Variants in EFCAB8 observed in about 807,000 individuals in gnomAD.
EFCAB8 encodes the protein EF-hand calcium-binding domain-containing protein 8.
In EFCAB8, 100 loss-of-function variants were observed where a neutral mutation model predicts 116.3. The ratio of observed to expected loss-of-function variants is 0.86; its 90% CI spans 0.73 to 1.02. The LOEUF is 1.02. Among genes scored for constraint, EFCAB8 ranks in the 50% least tolerant of loss-of-function variants. EFCAB8 has a pLI of 0.00. For synonymous variants in EFCAB8, 558 were observed against 567.9 expected, an observed-to-expected ratio of 0.98 and a Z score of 0.25; for missense variants, 1,320 against 1,416.9, an observed-to-expected ratio of 0.93 and a Z score of 1.10.
chr20:32,915,570 C>T (rs368695192), intron 17 of EFCAB8, among the ~76,000 whole-genome samples: 1 of 152,104 alleles, frequency 6.6e-6, no homozygotes, highest in East Asian at 1.9e-4. Flanking sequence ...TGCATCTGTC[C>T]TCTTTTCTTT....
At chr20:32,912,658 T>TG in intron 16 of EFCAB8, 136 bp from the exon 17 acceptor site, 1 of 681,016 alleles carries the variant, frequency 1.5e-6, no homozygotes, top group Non-Finnish European at 2.7e-6. Flanking sequence ...GACAAATACA[T>TG]GGTGGTATCA....
chr20:32,943,792 G>A lies in EFCAB8; in HGVS notation c.2947G>A (p.Gly983Ser), dbSNP rs377509267. ...GGACGTCAAGGCTTGGAAACTCTCC[G>A]GTGATGCCATTGGTATGGGTCCTGC... is the stretch of plus-strand genomic sequence containing the variant. ...DRDVKAWKLS[G>S]DAIGTFGLSV... The change falls in exon 23 of 27, where the codon GGT becomes AGT. Residue 983 changes from glycine to serine, a missense_variant. Transcript: ENST00000400522. 8 of 416,728 alleles carry A rather than the reference G, an allele frequency of 1.9e-5. No individual in the cohort carries two copies. The highest frequency in any genetic ancestry group is 8.8e-5 in the Admixed American group (2 of 22,710). The allele number at this position is 416,728 out of a possible 1,614,324, so 25.8% of individuals were successfully genotyped here.
At chr20:32,915,076 A>T (rs6058956) in intron 17 of EFCAB8, among the ~76,000 whole-genome samples, 93,046 of 151,790 alleles carry the variant, frequency 0.61, 29,013 homozygotes, top group Middle Eastern at 0.72. Context: ...TAAAAAAAAA[A>T]TTTTTTTATA....
intron 11 of EFCAB8, chr20:32,903,614 A>G (rs570628009): frequency 2.6e-5 from 4 of 152,368 alleles, no homozygotes; most frequent in South Asian, 4.1e-4. Flanking sequence ...TCGGCAGCAC[A>G]TATACGTGTG....
intron 8 of EFCAB8, 60 bp from the exon 9 acceptor site, chr20:32,893,114 T>C (rs904325487): frequency 1.3e-6 from 2 of 1,545,892 alleles, no homozygotes; most frequent in African/African-American, 2.7e-5. Flanking sequence ...GTGCTGGTCT[T>C]ACAGGTGTGA....
At chr20:32,960,849 A>T (rs538858480) in intron 26 of EFCAB8, among the ~76,000 whole-genome samples, 1 of 152,336 alleles carries the variant, frequency 6.6e-6, no homozygotes, top group South Asian at 2.1e-4. Flanking sequence ...CCCAGGGTCC[A>T]GCTCGAGGCC....
chr20:32,931,265 A>G lies in EFCAB8; in HGVS notation c.2719A>G (p.Lys907Glu), dbSNP rs1218426169. Reference protein sequence around the residue: ...GAKVVSEAHNKFRLLIPQQLG... With the variant: ...GAKVVSEAHNEFRLLIPQQLG... Reference sequence around the variant, plus strand: ...CAAGGTTGTCTCTGAAGCACACAACAAGTTCCGGTTGTTAATTCCTCAGCA... The same window carrying G: ...CAAGGTTGTCTCTGAAGCACACAACGAGTTCCGGTTGTTAATTCCTCAGCA... Residue 907 changes from lysine to glutamate, a missense_variant, in exon 22 of 27, where the codon AAG becomes GAG. Physicochemically the swap from Lys to Glu is moderately conservative, Grantham distance 56. Coordinates refer to ENST00000400522, the MANE Select transcript of EFCAB8 (RefSeq NM_001143967.2). The G allele has an allele frequency of 6.4e-7, 1 of 1,551,612 alleles. No homozygotes were observed. Among genetic ancestry groups the G allele is most frequent in the East Asian group, 2.4e-5 (1 of 40,916 alleles).
rs186290909 is a variant in EFCAB8, at chr20:32,940,007, C to G, written c.2791-3629C>G. On this transcript the variant is annotated intron_variant, in intron 22 of 26. Coordinates refer to ENST00000400522, the MANE Select transcript of EFCAB8 (RefSeq NM_001143967.2). ...ACTGTGCCTGCCTGCCTGCCTGCCT[C>G]CCTCCCTCCCTCCCTCCCTTCCTTC... Among the ~76,000 whole-genome samples, 342 of 58,270 alleles carry G rather than the reference C, an allele frequency of 5.9e-3. 21 individuals are homozygous for G. In the South Asian group the frequency reaches 0.064, roughly 11 times the overall value. The allele number at this position is 58,270 out of a possible 152,430, so 38.2% of individuals were successfully genotyped here.
intron 3 of EFCAB8, among the ~76,000 whole-genome samples, chr20:32,869,702 G>C (rs1026202429): frequency 2.6e-5 from 4 of 152,046 alleles, no homozygotes; most frequent in African/African-American, 7.2e-5. Flanking sequence ...CACAGTATGG[G>C]GGCTGCTTAA....
In EFCAB8 at chr20:32,889,333, G is replaced by T. The variant is rs988578041; in HGVS notation, c.600G>T (p.Pro200=). ...LNQTQQLYNQ[P]MWVIDMVCLH... ...AGACCCAGCAGCTCTACAACCAGCC[G>T]ATGTGGGTCATTGACATGGTATGTC... Residue 200 remains proline, a synonymous_variant, in exon 7 of 27, where the codon CCG becomes CCT. Coordinates refer to ENST00000400522, the MANE Select transcript of EFCAB8 (RefSeq NM_001143967.2). The T allele has an allele frequency of 1.3e-6, 2 of 1,551,770 alleles. No homozygotes were observed. Among genetic ancestry groups the T allele is most frequent in the African/African-American group, 1.4e-5 (1 of 73,146 alleles).
intron 22 of EFCAB8, among the ~76,000 whole-genome samples, chr20:32,935,548 C>A (rs1044852574): frequency 6.6e-6 from 1 of 150,752 alleles, no homozygotes; most frequent in Non-Finnish European, 1.5e-5. Context: ...CTCTTATTGC[C>A]CAGACTGGAG....
intron 11 of EFCAB8, among the ~76,000 whole-genome samples, chr20:32,900,241 G>T (rs781152845): frequency 6.6e-6 from 1 of 152,112 alleles, no homozygotes; most frequent in Non-Finnish European, 1.5e-5. Context: ...GGCTAATTTC[G>T]TCCAACTCCT....
chr20:32,950,264 G>A (rs1248041451), intron 23 of EFCAB8, among the ~76,000 whole-genome samples: 1 of 152,180 alleles, frequency 6.6e-6, no homozygotes, highest in Non-Finnish European at 1.5e-5. Flanking sequence ...ACTGGGAGAA[G>A]ATATTTGCAA....
chr20:32,910,655 G>A (rs961047973), intron 15 of EFCAB8, among the ~76,000 whole-genome samples: 3 of 149,344 alleles, frequency 2.0e-5, no homozygotes, highest in Admixed American at 2.0e-4. Context: ...CCTTAAAAAA[G>A]TTTGTTTAAA....
chr20:32,909,678 A>C, intron 14 of EFCAB8, 143 bp from the exon 15 acceptor site: 1 of 406,514 alleles, frequency 2.5e-6, no homozygotes, highest in Non-Finnish European at 4.4e-6. Context: ...CTGCTGAGGA[A>C]CCTGGAGTCT....
At chr20:32,893,086 C>T (rs1454699619) in intron 8 of EFCAB8, 88 bp from the exon 9 acceptor site, 8 of 1,491,764 alleles carry the variant, frequency 5.4e-6, no homozygotes, top group Non-Finnish European at 6.4e-6. Flanking sequence ...GGTGATTAAC[C>T]TACCTTGGCC....
intron 11 of EFCAB8, among the ~76,000 whole-genome samples, chr20:32,900,935 C>T (rs1046776363): frequency 3.9e-5 from 6 of 152,246 alleles, no homozygotes; most frequent in Non-Finnish European, 7.3e-5. Flanking sequence ...ATCTCTTGAC[C>T]TCGTGATCCG....
intron 3 of EFCAB8, among the ~76,000 whole-genome samples, chr20:32,869,359 C>T (rs1441706619): frequency 6.6e-6 from 1 of 152,066 alleles, no homozygotes; most frequent in East Asian, 1.9e-4. Context: ...TCTCAGCCTC[C>T]CAAGTAGCTG....
intron 7 of EFCAB8, among the ~76,000 whole-genome samples, chr20:32,891,005 G>A (rs549556901): frequency 2.0e-5 from 3 of 152,366 alleles, no homozygotes; most frequent in Admixed American, 6.5e-5. Context: ...TCTGTGACCC[G>A]CCTGGGCTTT....
Sources: allele counts gnomAD v4.1 joint callset (sites outside exome capture counted in the v4.1 genomes callset), GRCh38; gene constraint gnomAD v4.1.1; transcripts MANE v1.5; gene names NCBI Gene and HGNC (gene_info 2026-07-23, HGNC 2026-07-21).